WAPL: variants seen among roughly 807,000 people sequenced by gnomAD.
The protein encoded by WAPL is wings apart-like protein homolog.
In WAPL, 5 loss-of-function variants were observed where a neutral mutation model predicts 121.0. That is an observed-to-expected ratio of 0.04 (90% confidence interval 0.02 to 0.09). WAPL has a LOEUF of 0.09. Ranked by LOEUF, WAPL falls within the 10% of genes least tolerant of loss-of-function variation. The probability of loss-of-function intolerance (pLI) is 1.00; values close to 1 mark genes in which losing one functional copy is unlikely to be tolerated. For synonymous variants in WAPL, 480 were observed against 481.5 expected, an observed-to-expected ratio of 1.00 and a Z score of 0.04; for missense variants, 999 against 1,410.8, an observed-to-expected ratio of 0.71 and a Z score of 4.68.
At chr10:86,509,676 G>A (rs1211998889) in intron 2 of WAPL, among the ~76,000 whole-genome samples, 2 of 152,080 alleles carry the variant, frequency 1.3e-5, no homozygotes, top group African/African-American at 4.8e-5. Flanking sequence ...CTACCATCAG[G>A]GGTCTAGGAA....
intron 2 of WAPL, among the ~76,000 whole-genome samples, chr10:86,502,628 G>T (rs1256606727): frequency 5.3e-5 from 8 of 152,128 alleles, no homozygotes; most frequent in Non-Finnish European, 7.4e-5. Context: ...ATACATCTGT[G>T]TAACTGTATA....
At chr10:86,439,023 T>C (rs554328517) in intron 17 of WAPL, among the ~76,000 whole-genome samples, 2 of 152,214 alleles carry the variant, frequency 1.3e-5, no homozygotes, top group Admixed American at 6.5e-5. Flanking sequence ...AAGTATACTG[T>C]CCCAAGTTTG....
intron 4 of WAPL, among the ~76,000 whole-genome samples, chr10:86,483,983 T>C (rs991351452): frequency 6.6e-6 from 1 of 151,348 alleles, no homozygotes; most frequent in Admixed American, 6.6e-5. Context: ...CTTCCCCAAG[T>C]GCCGGGATTA....
intron 12 of WAPL, among the ~76,000 whole-genome samples, chr10:86,457,363 A>G (rs1430480932): frequency 6.6e-6 from 1 of 150,570 alleles, no homozygotes; most frequent in East Asian, 1.9e-4. Flanking sequence ...CTAAATATAT[A>G]TAAAATAGGC....
intron 2 of WAPL, among the ~76,000 whole-genome samples, chr10:86,513,794 A>G (rs757630634): frequency 1.3e-5 from 2 of 152,228 alleles, no homozygotes; most frequent in Non-Finnish European, 2.9e-5. Flanking sequence ...ATATAATTCT[A>G]CAGCAAAAAA....
chr10:86,463,249 C>CT (rs1356113930), intron 9 of WAPL, among the ~76,000 whole-genome samples: 1 of 152,246 alleles, frequency 6.6e-6, no homozygotes, highest in Non-Finnish European at 1.5e-5. Flanking sequence ...TGAGATCGTG[C>CT]TACTGCACTC....
chr10:86,499,465 T>C (rs1190263250), intron 3 of WAPL, among the ~76,000 whole-genome samples: 1 of 152,192 alleles, frequency 6.6e-6, no homozygotes, highest in Non-Finnish European at 1.5e-5. Context: ...ACTATGTTTT[T>C]TCGTATACAT....
chr10:86,511,778 G>C, intron 2 of WAPL, among the ~76,000 whole-genome samples: 1 of 152,160 alleles, frequency 6.6e-6, no homozygotes, highest in African/African-American at 2.4e-5. Context: ...AAAAAATATA[G>C]AAATTAGCCC....
At chr10:86,460,361 G>T in intron 11 of WAPL, 38 bp downstream of exon 11, 1 of 1,517,860 alleles carries the variant, frequency 6.6e-7, no homozygotes. Flanking sequence ...TCACAATTAA[G>T]ACTGAATAAT....
intron 2 of WAPL, among the ~76,000 whole-genome samples, chr10:86,517,229 T>C (rs1842571868): frequency 1.3e-5 from 2 of 152,180 alleles, no homozygotes; most frequent in Non-Finnish European, 2.9e-5. Context: ...ATTTTCATTA[T>C]CAATAACCAT....
chr10:86,467,455 A>G lies in WAPL; in HGVS notation c.2194T>C (p.Leu732=), dbSNP rs760591073. 1 of 1,614,096 alleles carries G rather than the reference A, an allele frequency of 6.2e-7. No individual in the cohort carries two copies. The highest frequency in any genetic ancestry group is 1.1e-5 in the South Asian group (1 of 91,072). ...CTAGCTCTATCAAGATCCATGTTCA[A>G]ACGATCTCTACTCAGTATATACATG... The part of the protein sequence containing the change: ...ALMYILSRDR[L]NMDLDRASLD... Residue 732 remains leucine (L), a synonymous_variant, in exon 9 of 19, where the codon TTG becomes CTG. Coordinates refer to ENST00000298767, the MANE Select transcript of WAPL (RefSeq NM_015045.5).
rs1346894686 is a variant in WAPL at position 86,500,202 on chromosome 10, A to G, written c.1041T>C (p.Ser347=). The stretch of plus-strand genomic sequence containing the variant: ...TAGTCCGTCCAACTGTCCCTCTAAA[A>G]CTGGTCCCACAACTTACACCCCCTT... ...AKKGGVSCGT[S]FRGTVGRTRD... The change falls in exon 3 of 19, where the codon AGT becomes AGC. Residue 347 remains serine (S), a synonymous_variant. Coordinates refer to ENST00000298767, the MANE Select transcript of WAPL (RefSeq NM_015045.5). 3 of 1,614,072 alleles carry G rather than the reference A, an allele frequency of 1.9e-6. No homozygotes were observed. In the Admixed American group the frequency reaches 5.0e-5, roughly 27 times the overall value.
intron 10 of WAPL, 94 bp downstream of exon 10, chr10:86,461,082 A>G (rs928694950): frequency 6.0e-6 from 6 of 994,230 alleles, no homozygotes; most frequent in Non-Finnish European, 8.9e-6. Context: ...AGACATTTCC[A>G]AACTGATACA....
Position 86,518,089 on chromosome 10 carries a change from T to C in WAPL, c.-20A>G, listed in dbSNP as rs1842595693. ...TGTCATTTTGACACCAGTTTCATAT[T>C]CTCTGTGAAAAAAAATTTAAGAAAA... is the stretch of plus-strand genomic sequence containing the variant. On this transcript the variant is annotated splice_region_variant and 5_prime_UTR_variant, in exon 2 of 19. Transcript: ENST00000298767. 1.3e-6 allele frequency: 2 copies of C among 1,596,708 alleles called. No individual in the cohort carries two copies. The highest frequency in any genetic ancestry group is 1.7e-6 in the Non-Finnish European group (2 of 1,172,538).
chr10:86,500,771 CAT>C (rs1842233590), intron 2 of WAPL, 28 bp from the exon 3 acceptor site: 2 of 1,505,048 alleles, frequency 1.3e-6, no homozygotes, highest in African/African-American at 2.8e-5. Flanking sequence ...AGGATAAAAA[CAT>C]GAGTGGTATC....
At chr10:86,474,405 T>C (rs987784592) in intron 4 of WAPL, among the ~76,000 whole-genome samples, 4 of 151,720 alleles carry the variant, frequency 2.6e-5, no homozygotes, top group Non-Finnish European at 4.4e-5. Context: ...ATCCCAGCTA[T>C]TTGGGAGGCT....
intron 15 of WAPL, 120 bp downstream of exon 15, chr10:86,451,847 G>C (rs985602694): frequency 5.5e-6 from 6 of 1,091,764 alleles, no homozygotes; most frequent in Admixed American, 2.5e-5. Flanking sequence ...GCCGGGGGAG[G>C]GGCAGAGAGG....
chr10:86,484,835 T>C (rs563684214), intron 4 of WAPL, among the ~76,000 whole-genome samples: 1 of 152,002 alleles, frequency 6.6e-6, no homozygotes, highest in African/African-American at 2.4e-5. Flanking sequence ...CCATATAGCC[T>C]AGGTGTGTGG....
At chr10:86,507,914 A>G (rs1378524007) in intron 2 of WAPL, among the ~76,000 whole-genome samples, 1 of 152,026 alleles carries the variant, frequency 6.6e-6, no homozygotes, top group Non-Finnish European at 1.5e-5. Flanking sequence ...GGGCAATAAC[A>G]CCCTAAATTC....
Sources: gnomAD v4.1 joint callset for allele counts (sites outside exome capture counted in the v4.1 genomes callset) on GRCh38, gnomAD v4.1.1 for gene constraint, MANE v1.5 for transcripts, NCBI Gene and HGNC (gene_info 2026-07-23, HGNC 2026-07-21) for gene names.